Variants in PCDHA8 observed in about 807,000 individuals in gnomAD.
The protein encoded by PCDHA8 is protocadherin alpha 8, also known as protocadherin alpha-8.
PCDHA8 carries 53 observed loss-of-function variants against 61.8 expected under a neutral mutation model. The ratio of observed to expected loss-of-function variants is 0.86; its 90% CI spans 0.69 to 1.08. The LOEUF is 1.08. Ranked by LOEUF, PCDHA8 falls within the 50% of genes least tolerant of loss-of-function variation. The pLI, the probability that PCDHA8 is intolerant of heterozygous loss-of-function variation, is 0.00. For missense variants in PCDHA8, 1,293 were observed against 1,245.0 expected, an observed-to-expected ratio of 1.04 and a Z score of -0.58; for synonymous variants, 618 against 556.6, an observed-to-expected ratio of 1.11 and a Z score of -1.55.
At chr5:140,966,522 G>A (rs1350046535) in intron 1 of PCDHA8, 2 of 437,040 alleles carry the variant, frequency 4.6e-6, no homozygotes, top group Non-Finnish European at 7.9e-6. Flanking sequence ...GCAGGAAGCC[G>A]AGCCGGGTTG....
chr5:140,853,011 T>C, intron 1 of PCDHA8: 1 of 283,070 alleles, frequency 3.5e-6, no homozygotes, highest in African/African-American at 2.3e-5. Context: ...CCCGAGTAGC[T>C]GGGACTACAG....
At chr5:140,876,950 C>A in intron 1 of PCDHA8, 1 of 1,613,514 alleles carries the variant, frequency 6.2e-7, no homozygotes, top group Non-Finnish European at 8.5e-7. Context: ...GTGTCCTACT[C>A]GCTGGTGGAG....
chr5:140,871,152 G>T lies in PCDHA8; in HGVS notation c.2394+27437G>T, dbSNP rs376980257. 913 of 1,613,436 alleles carry T rather than the reference G, an allele frequency of 5.7e-4. 8 individuals carry two copies. In the South Asian group the frequency reaches 9.3e-3, roughly 16 times the overall value. Reference sequence around the variant, plus strand: ...CAAAGGCCTCTTCCCGGACTTTGGCGGGCGCCGCGAGCCCAGAGGCTGCGC... The same window carrying T: ...CAAAGGCCTCTTCCCGGACTTTGGCTGGCGCCGCGAGCCCAGAGGCTGCGC... On this transcript the variant is annotated intron_variant, in intron 1 of 3. Transcript: ENST00000531613.
At chr5:140,905,635 A>T (rs2071990855) in intron 1 of PCDHA8, among the ~76,000 whole-genome samples, 1 of 152,206 alleles carries the variant, frequency 6.6e-6, no homozygotes, top group Non-Finnish European at 1.5e-5. Context: ...CAGTATGGTC[A>T]GTTTCACAGT....
chr5:140,848,357 T>A (rs2150409370), intron 1 of PCDHA8: 1 of 1,035,382 alleles, frequency 9.7e-7, no homozygotes, highest in Non-Finnish European at 1.4e-6. Flanking sequence ...CCTTTTCCCA[T>A]GGGAAAGAGG....
intron 1 of PCDHA8, chr5:140,868,166 T>G (rs1427031961): frequency 1.3e-5 from 2 of 152,120 alleles, no homozygotes; most frequent in Non-Finnish European, 2.9e-5. Flanking sequence ...AGTGCTAAAT[T>G]TTGATATCTC....
chr5:140,948,495 G>T (rs2094260954), intron 1 of PCDHA8, among the ~76,000 whole-genome samples: 1 of 151,424 alleles, frequency 6.6e-6, no homozygotes, highest in African/African-American at 2.4e-5. Context: ...TTCTTTCATA[G>T]ACTTTCTATT....
intron 1 of PCDHA8, among the ~76,000 whole-genome samples, chr5:140,903,237 T>G (rs1191816509): frequency 1.3e-5 from 2 of 152,194 alleles, no homozygotes; most frequent in Non-Finnish European, 2.9e-5. Flanking sequence ...ACTTTTTGAT[T>G]TTTAAATTAT....
At chr5:140,926,549 C>A in intron 1 of PCDHA8, 1 of 231,836 alleles carries the variant, frequency 4.3e-6, no homozygotes, top group Non-Finnish European at 8.2e-6. Flanking sequence ...GTGGTCGAGA[C>A]CCCAGCCCGC....
intron 1 of PCDHA8, chr5:140,928,280 C>T (rs781831365): frequency 6.2e-7 from 1 of 1,614,076 alleles, no homozygotes; most frequent in African/African-American, 1.3e-5. Context: ...CCTGGGGCCT[C>T]TCTAGGCCGA....
intron 1 of PCDHA8, among the ~76,000 whole-genome samples, chr5:140,879,438 A>C (rs2057989809): frequency 6.6e-6 from 1 of 152,214 alleles, no homozygotes; most frequent in South Asian, 2.1e-4. Context: ...ACATTTAAGA[A>C]AATGTTACTT....
In PCDHA8 at chr5:140,927,241, A is replaced by T. The variant is rs781911240; in HGVS notation, c.2395-51708A>T. The stretch of plus-strand genomic sequence containing the variant: ...CAAGATTCGGATTCACGTCCTGGAC[A>T]CCAATGACAACTCACCTCTCTTTCC... On this transcript the variant is annotated intron_variant, in intron 1 of 3. Coordinates refer to ENST00000531613, the MANE Select transcript of PCDHA8 (RefSeq NM_018911.3). 3 of 1,613,966 alleles carry T rather than the reference A, an allele frequency of 1.9e-6. No homozygotes were observed. The Admixed American group carries it at 5.0e-5, about 27-fold the overall frequency.
rs566522528 is a variant in PCDHA8, at chr5:140,881,283, A to C, written c.2394+37568A>C. On this transcript the variant is annotated intron_variant, in intron 1 of 3. Coordinates refer to ENST00000531613, the MANE Select transcript of PCDHA8 (RefSeq NM_018911.3). ...TCAGTGATGATGAAGTAAGATGGAG[A>C]GAGAAAATGGAAACTTTAACCTCCT... 1.3e-5 allele frequency: 10 copies of C among 799,388 alleles called. No homozygotes were observed. The African/African-American group carries it at 1.9e-4, about 15-fold the overall frequency. The allele number at this position is 799,388 out of a possible 1,614,324, so 49.5% of individuals were successfully genotyped here.
chr5:140,961,716 G>A (rs2095631233), intron 1 of PCDHA8, among the ~76,000 whole-genome samples: 1 of 152,082 alleles, frequency 6.6e-6, no homozygotes, highest in African/African-American at 2.4e-5. Flanking sequence ...TCATTTCTAA[G>A]TGCTCATAAA....
chr5:140,902,996 A>G (rs2069931370), intron 1 of PCDHA8, among the ~76,000 whole-genome samples: 1 of 152,126 alleles, frequency 6.6e-6, no homozygotes, highest in Admixed American at 6.6e-5. Context: ...TATTTTTGCA[A>G]TTGTGAATTG....
chr5:140,988,214 A>AG (rs1408259452), intron 3 of PCDHA8, among the ~76,000 whole-genome samples: 28 of 152,200 alleles, frequency 1.8e-4, no homozygotes, highest in Non-Finnish European at 4.4e-5. Flanking sequence ...AGGAAAAAAA[A>AG]ATGAGATCAG....
intron 1 of PCDHA8, chr5:140,850,632 C>T (rs2150491641): frequency 6.3e-7 from 1 of 1,598,646 alleles, no homozygotes. Flanking sequence ...CCTGTTGGTT[C>T]TCACGCTGCT....
At chr5:140,928,555 A>T in intron 1 of PCDHA8, 1 of 1,614,240 alleles carries the variant, frequency 6.2e-7, no homozygotes, top group South Asian at 1.1e-5. Flanking sequence ...TTATCCGGTT[A>T]TCTTGTTTCC....
In PCDHA8 at chr5:140,967,909, C is replaced by T. The variant is rs140881563; in HGVS notation, c.2395-11040C>T. The T allele has an allele frequency of 5.0e-5, 81 of 1,614,206 alleles. No individual in the cohort carries two copies. In the African/African-American group the frequency reaches 9.1e-4, roughly 18 times the overall value. ...CAGTGCCTGAGAATGCTACACCCAACACCATTGTGGCCGTTCTCAGTGTCA... is the reference window on the plus strand; with the variant it reads ...CAGTGCCTGAGAATGCTACACCCAATACCATTGTGGCCGTTCTCAGTGTCA... On this transcript the variant is annotated intron_variant, in intron 1 of 3. Coordinates refer to ENST00000531613, the MANE Select transcript of PCDHA8 (RefSeq NM_018911.3).
Sources: gnomAD v4.1 joint callset for allele counts (sites outside exome capture counted in the v4.1 genomes callset) on GRCh38, gnomAD v4.1.1 for gene constraint, MANE v1.5 for transcripts, NCBI Gene and HGNC (gene_info 2026-07-23, HGNC 2026-07-21) for gene names.